The following NTM variants were observed in gnomAD, a reference collection of about 807,000 sequenced individuals.
NTM encodes neurotrimin.
A neutral mutation model predicts 42.1 loss-of-function variants in NTM; 13 were observed. The ratio of observed to expected loss-of-function variants is 0.31; its 90% CI spans 0.20 to 0.49. The LOEUF is 0.49. NTM is among the 20% of genes least tolerant of loss of function. The probability of loss-of-function intolerance (pLI) is 0.99; values close to 1 mark genes in which losing one functional copy is unlikely to be tolerated. For missense variants in NTM, 373 were observed against 452.8 expected (o/e 0.82, Z 1.60); for synonymous variants, 187 against 179.2 (o/e 1.04, Z -0.35).
At chr11:132,261,667 A>G (rs2092863524) in intron 4 of NTM, among the ~76,000 whole-genome samples, 1 of 152,266 alleles carries the variant, frequency 6.6e-6, no homozygotes, top group African/African-American at 2.4e-5. Context: ...AATGGAAGAT[A>G]GAATGCTTGT....
intron 2 of NTM, among the ~76,000 whole-genome samples, chr11:131,912,977 C>A (rs1162327600): frequency 6.6e-6 from 1 of 152,154 alleles, no homozygotes; most frequent in Non-Finnish European, 1.5e-5. Context: ...GATCCTTTGT[C>A]TAGGCAAAGC....
At chr11:132,026,207 G>A (rs1353329415) in intron 2 of NTM, among the ~76,000 whole-genome samples, 3 of 152,184 alleles carry the variant, frequency 2.0e-5, no homozygotes, top group Non-Finnish European at 4.4e-5. Flanking sequence ...TGCTAATACC[G>A]ATAATATTCC....
At chr11:131,919,060 G>A (rs1306117929) in intron 2 of NTM, among the ~76,000 whole-genome samples, 1 of 151,850 alleles carries the variant, frequency 6.6e-6, no homozygotes, top group Non-Finnish European at 1.5e-5. Flanking sequence ...GCCAGTCAGT[G>A]GATCTGGATG....
At chr11:131,645,149 A>G (rs796846639) in intron 1 of NTM, among the ~76,000 whole-genome samples, 4 of 152,332 alleles carry the variant, frequency 2.6e-5, no homozygotes, top group African/African-American at 9.6e-5. Flanking sequence ...GGTCAATAAT[A>G]TTATTAACCA....
intron 1 of NTM, among the ~76,000 whole-genome samples, chr11:131,763,129 C>T (rs1468080101): frequency 2.0e-5 from 3 of 152,200 alleles, no homozygotes; most frequent in Non-Finnish European, 4.4e-5. Flanking sequence ...GGTGCCCCCA[C>T]ACCAGATCTC....
chr11:131,974,615 C>T (rs371479677), intron 2 of NTM, among the ~76,000 whole-genome samples: 1 of 152,140 alleles, frequency 6.6e-6, no homozygotes, highest in African/African-American at 2.4e-5. Flanking sequence ...AGCATGGGCT[C>T]TTGGATCTGA....
intron 4 of NTM, among the ~76,000 whole-genome samples, chr11:132,221,689 T>A (rs2085192764): frequency 6.6e-6 from 1 of 152,228 alleles, no homozygotes; most frequent in Non-Finnish European, 1.5e-5. Flanking sequence ...TGAGAACTGC[T>A]GCTGTGTAAA....
chr11:132,315,254 A>G (rs2095397762), intron 7 of NTM, among the ~76,000 whole-genome samples: 1 of 152,152 alleles, frequency 6.6e-6, no homozygotes, highest in Non-Finnish European at 1.5e-5. Flanking sequence ...GAAGAGCCCC[A>G]CCTTCGTCAC....
chr11:131,654,906 A>G (rs2066980589), intron 1 of NTM, among the ~76,000 whole-genome samples: 1 of 152,160 alleles, frequency 6.6e-6, no homozygotes, highest in South Asian at 2.1e-4. Flanking sequence ...AGTCTCAAGT[A>G]TTCTTTTATA....
chr11:131,907,942 G>T (rs1291791811), intron 1 of NTM, among the ~76,000 whole-genome samples: 1 of 152,194 alleles, frequency 6.6e-6, no homozygotes, highest in Non-Finnish European at 1.5e-5. Context: ...TAGCCGGTTT[G>T]AATAAAATGG....
At chr11:132,076,019 T>C (rs1790177) in intron 2 of NTM, among the ~76,000 whole-genome samples, 103,218 of 152,056 alleles carry the variant, frequency 0.68, 36,447 homozygotes, top group African/African-American at 0.85. Context: ...AAACAACAGA[T>C]ACAATAGTAT....
intron 1 of NTM, among the ~76,000 whole-genome samples, chr11:131,882,412 A>G (rs920417429): frequency 1.8e-4 from 27 of 152,308 alleles, no homozygotes; most frequent in Non-Finnish European, 2.8e-4. Flanking sequence ...CCTGTTATGG[A>G]GAGTAATCTG....
chr11:131,961,015 G>A (rs1355427445), intron 2 of NTM, among the ~76,000 whole-genome samples: 1 of 152,158 alleles, frequency 6.6e-6, no homozygotes, highest in East Asian at 1.9e-4. Flanking sequence ...TTTTCATCCA[G>A]GAGCATGTCA....
chr11:131,537,436 T>C (rs2052447652), intron 1 of NTM: 1 of 152,136 alleles, frequency 6.6e-6, no homozygotes, highest in Non-Finnish European at 1.5e-5. Flanking sequence ...AAGCAACTTG[T>C]GCGTCCGGGG....
At chr11:131,447,842 C>T (rs1950178896) in intron 1 of NTM, among the ~76,000 whole-genome samples, 1 of 152,320 alleles carries the variant, frequency 6.6e-6, no homozygotes, top group Non-Finnish European at 1.5e-5. Context: ...GCCTGAACCG[C>T]AGCCGCCATC....
At position 131,529,858 on chromosome 11, in the gene NTM, A is replaced by G. The variant is rs1390695798; in HGVS notation, c.82+158970A>G. The stretch of plus-strand genomic sequence containing the variant: ...AATAATCTACCCTTGGAGGGAATGA[A>G]GTTTCTTATCCTATTCTGCCAGCCT... On this transcript the variant is annotated intron_variant, in intron 1 of 8. Transcript: ENST00000683400. 2.6e-5 allele frequency among the ~76,000 whole-genome samples: 4 copies of G among 152,216 alleles called. No homozygotes were observed. The East Asian group carries it at 7.7e-4, about 29-fold the overall frequency.
At chr11:131,661,440 A>C (rs2068057403) in intron 1 of NTM, among the ~76,000 whole-genome samples, 1 of 152,206 alleles carries the variant, frequency 6.6e-6, no homozygotes, top group Non-Finnish European at 1.5e-5. Context: ...ATGGCATGGA[A>C]ATTTCTGGAC....
intron 1 of NTM, among the ~76,000 whole-genome samples, chr11:131,551,422 A>G (rs1009515560): frequency 1.5e-5 from 2 of 132,648 alleles, no homozygotes; most frequent in Non-Finnish European, 3.1e-5. Flanking sequence ...AGGTTCCTCC[A>G]AAAAAAAAAA....
chr11:131,439,948 T>C (rs1949476141), intron 1 of NTM, among the ~76,000 whole-genome samples: 1 of 151,422 alleles, frequency 6.6e-6, no homozygotes, highest in African/African-American at 2.4e-5. Context: ...TTAGGCTTTT[T>C]TTTTTTTTTT....
Sources: allele counts gnomAD v4.1 joint callset (sites outside exome capture counted in the v4.1 genomes callset), GRCh38; gene constraint gnomAD v4.1.1; transcripts MANE v1.5; gene names NCBI Gene and HGNC (gene_info 2026-07-23, HGNC 2026-07-21).